Variants in PDE8A observed in about 807,000 individuals in gnomAD.
PDE8A encodes high affinity cAMP-specific and IBMX-insensitive 3',5'-cyclic phosphodiesterase 8A.
PDE8A carries 59 observed loss-of-function variants against 105.0 expected under a neutral mutation model. That is an observed-to-expected ratio of 0.56 (90% CI 0.46 to 0.70). PDE8A has a LOEUF of 0.70. Among genes scored for constraint, PDE8A ranks in the 30% least tolerant of loss-of-function variants. PDE8A has a pLI of 0.00. For missense variants in PDE8A, 1,014 were observed against 1,045.9 expected, an observed-to-expected ratio of 0.97 and a Z score of 0.42; for synonymous variants, 355 against 371.9, an observed-to-expected ratio of 0.95 and a Z score of 0.52.
At chr15:85,021,068 A>C (rs968054114) in intron 1 of PDE8A, among the ~76,000 whole-genome samples, 1 of 152,128 alleles carries the variant, frequency 6.6e-6, no homozygotes, top group South Asian at 2.1e-4. Flanking sequence ...TGATTAGGTC[A>C]TGGGGGCAGA....
chr15:85,108,076 G>A (rs2081971001), intron 11 of PDE8A, among the ~76,000 whole-genome samples: 1 of 152,232 alleles, frequency 6.6e-6, no homozygotes, highest in Non-Finnish European at 1.5e-5. Context: ...TAAGGATTGA[G>A]TTGTAGCCTT....
At chr15:84,983,228 GGAACTCATGC>G (rs1567213054) in intron 1 of PDE8A, among the ~76,000 whole-genome samples, 1 of 152,178 alleles carries the variant, frequency 6.6e-6, no homozygotes, top group Non-Finnish European at 1.5e-5. Flanking sequence ...ATTTAAAGCT[GGAACTCATGC>G]GTTGGTTTAT....
intron 1 of PDE8A, among the ~76,000 whole-genome samples, chr15:84,984,249 T>G (rs901344274): frequency 4.6e-5 from 7 of 152,236 alleles, no homozygotes; most frequent in Admixed American, 2.6e-4. Context: ...ATTCATGAAC[T>G]GTACATGTTG....
At chr15:85,114,814 G>A (rs1359058897) in intron 14 of PDE8A, among the ~76,000 whole-genome samples, 2 of 152,148 alleles carry the variant, frequency 1.3e-5, no homozygotes, top group Non-Finnish European at 2.9e-5. Context: ...CAGACTGCAG[G>A]TAAGAGGTGA....
At chr15:85,110,105 G>A (rs2082000124) in intron 12 of PDE8A, among the ~76,000 whole-genome samples, 1 of 152,164 alleles carries the variant, frequency 6.6e-6, no homozygotes. Context: ...TATGGTGCCT[G>A]GTAAGTAAGG....
At chr15:85,042,703 G>A (rs2080829164) in intron 1 of PDE8A, among the ~76,000 whole-genome samples, 1 of 152,202 alleles carries the variant, frequency 6.6e-6, no homozygotes. Context: ...ATGAATGGTT[G>A]TGCATCCACT....
chr15:85,091,246 A>G lies in PDE8A; in HGVS notation c.852+65A>G, dbSNP rs878958992. 3.7e-5 allele frequency: 51 copies of G among 1,369,838 alleles called. 1 individual carries two copies. The South Asian group carries it at 6.0e-4, about 16-fold the overall frequency. The allele number at this position is 1,369,838 out of a possible 1,614,324, so 84.9% of individuals were successfully genotyped here. On this transcript the variant is annotated intron_variant, in intron 8 of 21. Transcript: ENST00000394553. ...CAGAGAGAAGGAAGACTTAGTGTTC[A>G]TTGAGTACTACCAGGTAATCTTAAT...
intron 1 of PDE8A, among the ~76,000 whole-genome samples, chr15:85,027,837 C>T (rs910099374): frequency 3.3e-5 from 5 of 152,014 alleles, no homozygotes; most frequent in African/African-American, 1.2e-4. Flanking sequence ...GCATATCCTT[C>T]CTGTCATTTT....
intron 11 of PDE8A, among the ~76,000 whole-genome samples, chr15:85,101,313 C>G (rs1182479146): frequency 6.6e-6 from 1 of 152,078 alleles, no homozygotes; most frequent in Non-Finnish European, 1.5e-5. Context: ...AAGAAGTGAT[C>G]CCCAGGAATG....
intron 11 of PDE8A, among the ~76,000 whole-genome samples, chr15:85,104,196 T>C (rs996438955): frequency 5.9e-5 from 9 of 152,232 alleles, no homozygotes; most frequent in African/African-American, 2.2e-4. Context: ...TGAGTTTCGC[T>C]GTCTGGTGGC....
At chr15:84,993,421 C>T (rs371096139) in intron 1 of PDE8A, among the ~76,000 whole-genome samples, 20 of 116,470 alleles carry the variant, frequency 1.7e-4, no homozygotes, top group Admixed American at 1.5e-3. Flanking sequence ...CCAGCCTGGG[C>T]GACAGAGCGA....
intron 1 of PDE8A, among the ~76,000 whole-genome samples, chr15:85,043,209 A>G (rs749556542): frequency 6.6e-6 from 1 of 152,224 alleles, no homozygotes; most frequent in African/African-American, 2.4e-5. Flanking sequence ...TTGATTTGGT[A>G]TCCATATCAC....
chr15:85,030,702 GCC>G (rs1408939825), intron 1 of PDE8A, among the ~76,000 whole-genome samples: 3 of 105,084 alleles, frequency 2.9e-5, no homozygotes, highest in Non-Finnish European at 6.5e-5. Flanking sequence ...ACACTTCCAT[GCC>G]TTTTTGCACA....
At chr15:85,112,669 G>C (rs1399323787) in intron 12 of PDE8A, among the ~76,000 whole-genome samples, 1 of 152,152 alleles carries the variant, frequency 6.6e-6, no homozygotes, top group Non-Finnish European at 1.5e-5. Context: ...GACAGCCCCT[G>C]GTCCTGTAAC....
chr15:85,038,307 G>A (rs957278831), intron 1 of PDE8A, among the ~76,000 whole-genome samples: 19 of 151,804 alleles, frequency 1.3e-4, no homozygotes, highest in African/African-American at 3.4e-4. Flanking sequence ...CTCTTTGTCA[G>A]TTTTACGTTT....
intron 1 of PDE8A, among the ~76,000 whole-genome samples, chr15:85,023,127 G>T (rs773474685): frequency 6.6e-6 from 1 of 152,206 alleles, no homozygotes; most frequent in Non-Finnish European, 1.5e-5. Flanking sequence ...ATTTGAAGGA[G>T]TTGTTCCCTA....
In PDE8A at chr15:85,046,316, TGG is replaced by T. The variant is rs552893767; in HGVS notation, c.187-18052_187-18051del. ...TGCCCGCCTCGGCCTCCCAAAGTGC[TGG>T]GATTACAGGCGTGAGGCACCACGCC... On this transcript the variant is annotated intron_variant, in intron 1 of 21. Transcript: ENST00000394553. Among the ~76,000 whole-genome samples the T allele has an allele frequency of 8.5e-5, 13 of 152,320 alleles. 1 individual carries two copies. In the South Asian group the frequency reaches 2.5e-3, roughly 29 times the overall value.
At chr15:85,086,570 A>T (rs1411596835) in intron 6 of PDE8A, among the ~76,000 whole-genome samples, 1 of 152,210 alleles carries the variant, frequency 6.6e-6, no homozygotes, top group Non-Finnish European at 1.5e-5. Flanking sequence ...AATAAATGTG[A>T]AAAGATGTTC....
intron 1 of PDE8A, among the ~76,000 whole-genome samples, chr15:85,057,215 C>A (rs2081073925): frequency 6.6e-6 from 1 of 152,116 alleles, no homozygotes; most frequent in Non-Finnish European, 1.5e-5. Flanking sequence ...TGTCAGTTGG[C>A]CCCTACTGGA....
Sources: allele counts gnomAD v4.1 joint callset (sites outside exome capture counted in the v4.1 genomes callset), GRCh38; gene constraint gnomAD v4.1.1; transcripts MANE v1.5; gene names NCBI Gene and HGNC (gene_info 2026-07-23, HGNC 2026-07-21).